Variants in SCLT1 observed in about 807,000 individuals in gnomAD.
SCLT1 encodes the protein sodium channel-associated protein 1.
SCLT1 carries 78 observed loss-of-function variants against 112.8 expected under a neutral mutation model. The observed-to-expected ratio is 0.69, with a 90% CI of 0.58 to 0.83. The LOEUF (loss-of-function observed/expected upper bound fraction) is 0.83. SCLT1 is among the 40% of genes least tolerant of loss of function. The pLI, the probability that SCLT1 is intolerant of heterozygous loss-of-function variation, is 0.00. For synonymous variants in SCLT1, 257 were observed against 254.7 expected (o/e 1.01, Z -0.09); for missense variants, 747 against 770.4 (o/e 0.97, Z 0.36).
Position 128,888,668 on chromosome 4 carries a change from A to G in SCLT1, c.2004+11T>C, listed in dbSNP as rs780216154. ...CTGTTTATTATCTAGGGATAAGAGGATGCTCCCTACCTGCTGGGAAGCTGA... is the reference window on the plus strand; with the variant it reads ...CTGTTTATTATCTAGGGATAAGAGGGTGCTCCCTACCTGCTGGGAAGCTGA... On this transcript the variant is annotated intron_variant, in intron 20 of 20. Transcript: ENST00000281142. The G allele has an allele frequency of 6.5e-7, 1 of 1,532,620 alleles. No homozygotes were observed. The highest frequency in any genetic ancestry group is 9.0e-7 in the Non-Finnish European group (1 of 1,108,776). 94.9% of individuals were successfully genotyped at this position (1,532,620 alleles called of 1,614,324 possible). A position where few individuals can be genotyped will look rare whatever the true frequency, so the allele number is the denominator to read the frequency against.
intron 6 of SCLT1, among the ~76,000 whole-genome samples, chr4:129,002,689 A>C (rs1459788934): frequency 6.6e-6 from 1 of 152,158 alleles, no homozygotes; most frequent in Non-Finnish European, 1.5e-5. Context: ...AAAAAAGCTC[A>C]TTATTACTGG....
chr4:128,996,980 G>A (rs978525852), intron 8 of SCLT1, among the ~76,000 whole-genome samples: 5 of 151,828 alleles, frequency 3.3e-5, no homozygotes, highest in African/African-American at 9.7e-5. Flanking sequence ...ATTCCATATA[G>A]AAATATATTA....
At chr4:129,065,550 T>C (rs904747203) in intron 2 of SCLT1, among the ~76,000 whole-genome samples, 7 of 152,080 alleles carry the variant, frequency 4.6e-5, no homozygotes, top group Admixed American at 6.6e-5. Context: ...AATGGAGTCA[T>C]AGACAATATA....
At chr4:128,877,955 C>A (rs1732559434) in intron 3 of SCLT1, among the ~76,000 whole-genome samples, 1 of 151,992 alleles carries the variant, frequency 6.6e-6, no homozygotes, top group African/African-American at 2.4e-5. Context: ...ATTTACAGAT[C>A]AAATATATGT....
intron 5 of SCLT1, among the ~76,000 whole-genome samples, chr4:129,006,661 A>T (rs1744056655): frequency 6.6e-6 from 1 of 152,156 alleles, no homozygotes; most frequent in South Asian, 2.1e-4. Flanking sequence ...CTTCATACAA[A>T]GGAAGGACTA....
chr4:128,933,745 AACT>A (rs1328451614), intron 18 of SCLT1, among the ~76,000 whole-genome samples: 5 of 152,110 alleles, frequency 3.3e-5, no homozygotes, highest in African/African-American at 1.2e-4. Flanking sequence ...TCCAATTTAG[AACT>A]ACAAGTTTAT....
At chr4:128,889,792 C>A (rs1339005508) in intron 19 of SCLT1, among the ~76,000 whole-genome samples, 1 of 152,152 alleles carries the variant, frequency 6.6e-6, no homozygotes. Context: ...GTTTTTCTGG[C>A]ACTTATCTGA....
At chr4:128,908,362 G>C (rs1734842057) in intron 18 of SCLT1, among the ~76,000 whole-genome samples, 1 of 141,028 alleles carries the variant, frequency 7.1e-6, no homozygotes, top group South Asian at 2.2e-4. Context: ...ACCTGCAGCT[G>C]CCTCTCATCC....
Position 128,965,307 on chromosome 4 carries a change from C to T in SCLT1, c.789G>A (p.Val263=). The part of the protein sequence containing the change: ...QGQMKKKEKD[V]VSAHGREEAS... ...CTTCCTCTCTTCCATGGGCAGACAC[C>T]ACATCCTTCTCCTAGAAAATAAAGA... Residue 263 remains valine (V), a synonymous_variant, in exon 11 of 21, where the codon GTG becomes GTA. Coordinates refer to ENST00000281142, the MANE Select transcript of SCLT1 (RefSeq NM_144643.4). 3 of 1,604,200 alleles carry T rather than the reference C, an allele frequency of 1.9e-6. No individual in the cohort carries two copies. Among genetic ancestry groups the T allele is most frequent in the South Asian group, 2.2e-5 (2 of 90,802 alleles).
At chr4:128,926,989 T>TA (rs564982536) in intron 18 of SCLT1, among the ~76,000 whole-genome samples, 4 of 150,926 alleles carry the variant, frequency 2.7e-5, no homozygotes, top group Admixed American at 6.6e-5. Context: ...GTAGAATGAT[T>TA]AAAAAAAACC....
At chr4:129,066,052 C>T (rs1223145457) in intron 2 of SCLT1, among the ~76,000 whole-genome samples, 1 of 151,952 alleles carries the variant, frequency 6.6e-6, no homozygotes, top group African/African-American at 2.4e-5. Context: ...AAACAATCCA[C>T]AATAATAAAT....
At chr4:129,085,320 C>T (rs559999078) in intron 1 of SCLT1, among the ~76,000 whole-genome samples, 4 of 152,214 alleles carry the variant, frequency 2.6e-5, no homozygotes, top group South Asian at 2.1e-4. Context: ...TGAGATACTA[C>T]CTCACACCAG....
At chr4:129,026,767 T>A (rs1746134974) in intron 5 of SCLT1, among the ~76,000 whole-genome samples, 1 of 151,978 alleles carries the variant, frequency 6.6e-6, no homozygotes, top group African/African-American at 2.4e-5. Context: ...CAGGAGCTGG[T>A]TTTTTGAAAG....
chr4:128,877,859 ACAGT>A (rs1227754826), intron 3 of SCLT1, among the ~76,000 whole-genome samples: 3 of 152,226 alleles, frequency 2.0e-5, no homozygotes, highest in African/African-American at 7.2e-5. Flanking sequence ...TAGTCTGCTT[ACAGT>A]CAATTAGTTC....
Position 129,093,224 on chromosome 4 carries a change from G to T in SCLT1, c.-121C>A. 1.2e-6 allele frequency: 1 copy of T among 867,050 alleles called. No homozygotes were observed. The highest frequency in any genetic ancestry group is 1.9e-6 in the Non-Finnish European group (1 of 514,758). 53.7% of individuals were successfully genotyped at this position (867,050 alleles called of 1,614,324 possible). ...CGGTTGGTTGTCAAGCGCTCCAGCG[G>T]TGCAATCTGCATCCTACTCACGCGG... On this transcript the variant is annotated 5_prime_UTR_variant, in exon 1 of 21. Transcript: ENST00000281142.
intron 5 of SCLT1, chr4:128,873,539 T>C (rs1732364630): frequency 6.6e-6 from 1 of 152,596 alleles, no homozygotes; most frequent in Non-Finnish European, 1.5e-5. Flanking sequence ...TTGAGTACAA[T>C]GTTTTGTTTT....
chr4:129,033,080 A>G (rs1433568247), intron 5 of SCLT1, among the ~76,000 whole-genome samples: 1 of 152,140 alleles, frequency 6.6e-6, no homozygotes, highest in African/African-American at 2.4e-5. Context: ...CTTGGAACCA[A>G]CCCAAATGCC....
chr4:128,928,890 A>C (rs2125971621), intron 18 of SCLT1, among the ~76,000 whole-genome samples: 1 of 152,282 alleles, frequency 6.6e-6, no homozygotes, highest in Admixed American at 6.5e-5. Context: ...TAATAGCAAA[A>C]GGAAACTTCC....
intron 5 of SCLT1, among the ~76,000 whole-genome samples, chr4:129,030,818 T>C (rs2126143655): frequency 6.6e-6 from 1 of 152,234 alleles, no homozygotes; most frequent in East Asian, 1.9e-4. Flanking sequence ...CAGTACTTAA[T>C]AGCCTACCAA....
Sources: gnomAD v4.1 joint callset for allele counts (sites outside exome capture counted in the v4.1 genomes callset) on GRCh38, gnomAD v4.1.1 for gene constraint, MANE v1.5 for transcripts, NCBI Gene and HGNC (gene_info 2026-07-23, HGNC 2026-07-21) for gene names.